The following RFFL variants were observed in gnomAD, a reference collection of about 807,000 sequenced individuals.
RFFL encodes ring finger and FYVE like domain containing E3 ubiquitin protein ligase, also known as E3 ubiquitin-protein ligase rififylin.
In RFFL, 16 loss-of-function variants were observed where a neutral mutation model predicts 40.4. The observed-to-expected ratio is 0.40, with a 90% confidence interval of 0.27 to 0.60. RFFL has a LOEUF of 0.60. Among genes scored for constraint, RFFL ranks in the 20% least tolerant of loss-of-function variants. The pLI is 0.47. For synonymous variants in RFFL, 154 were observed against 167.9 expected (o/e 0.92, Z 0.64); for missense variants, 367 against 451.7 (o/e 0.81, Z 1.70).
chr17:35,017,410 G>A (rs767067165), intron 4 of RFFL, 113 bp downstream of exon 4: 32 of 711,120 alleles, frequency 4.5e-5, no homozygotes, highest in African/African-American at 7.1e-5. Flanking sequence ...ATATAATTTC[G>A]GAAGCACTAT....
At chr17:35,038,286 C>CAA (rs33952696) in intron 1 of RFFL, among the ~76,000 whole-genome samples, 3 of 99,310 alleles carry the variant, frequency 3.0e-5, no homozygotes, top group African/African-American at 7.5e-5. Context: ...AAAACTGTCT[C>CAA]AAAAAAAAAA....
At chr17:35,017,352 C>T (rs1325203713) in intron 4 of RFFL, among the ~76,000 whole-genome samples, 171 bp downstream of exon 4, 4 of 152,124 alleles carry the variant, frequency 2.6e-5, no homozygotes, top group Non-Finnish European at 5.9e-5. Flanking sequence ...ATACACTGAC[C>T]GCTTCACTAG....
At chr17:35,085,425 G>A (rs1041589862) in intron 1 of RFFL, among the ~76,000 whole-genome samples, 2 of 152,134 alleles carry the variant, frequency 1.3e-5, no homozygotes, top group Non-Finnish European at 1.5e-5. Context: ...CAGAGGAAAT[G>A]CAGTTTTTTG....
At chr17:35,050,063 C>T (rs1224469900) in intron 1 of RFFL, among the ~76,000 whole-genome samples, 1 of 143,932 alleles carries the variant, frequency 6.9e-6, no homozygotes, top group Non-Finnish European at 1.5e-5. Context: ...GCCTAGGTGA[C>T]AGAGTAAGAC....
chr17:35,011,901 G>A lies in RFFL; in HGVS notation c.*67C>T. On this transcript the variant is annotated 3_prime_UTR_variant, in exon 7 of 7. Coordinates refer to ENST00000394597, the MANE Select transcript of RFFL (RefSeq NM_001017368.2). The stretch of plus-strand genomic sequence containing the variant: ...TACTAGCTTGCTCCTCTGCAAGCTG[G>A]CCAACCCTGAGCCCAGACACCCCAG... 6.6e-7 allele frequency: 1 copy of A among 1,520,870 alleles called. No homozygotes were observed. Among genetic ancestry groups the A allele is most frequent in the South Asian group, 1.2e-5 (1 of 83,260 alleles). The allele number at this position is 1,520,870 out of a possible 1,614,324, so 94.2% of individuals were successfully genotyped here. A position where few individuals can be genotyped will look rare whatever the true frequency, so the allele number is the denominator to read the frequency against.
chr17:35,026,330 C>T (rs1376056155), intron 2 of RFFL, 44 bp downstream of exon 2: 1 of 1,600,082 alleles, frequency 6.2e-7, no homozygotes, highest in Non-Finnish European at 8.5e-7. Flanking sequence ...TGCCCATGGT[C>T]CATAGGCTGC....
chr17:35,056,657 G>T (rs868110003), intron 1 of RFFL, among the ~76,000 whole-genome samples: 1 of 152,006 alleles, frequency 6.6e-6, no homozygotes, highest in Non-Finnish European at 1.5e-5. Context: ...GATTACAGGC[G>T]TGAGCCACCA....
At chr17:35,062,130 C>T (rs898007206) in intron 1 of RFFL, among the ~76,000 whole-genome samples, 11 of 152,018 alleles carry the variant, frequency 7.2e-5, no homozygotes, top group African/African-American at 2.2e-4. Context: ...CAAGGCCGGG[C>T]GCGGTGGCTC....
At chr17:35,078,119 CTT>C (rs1308912208) in intron 1 of RFFL, among the ~76,000 whole-genome samples, 2 of 152,138 alleles carry the variant, frequency 1.3e-5, no homozygotes, top group Non-Finnish European at 2.9e-5. Flanking sequence ...ATCCCAAACA[CTT>C]TGATTCTGTA....
rs2090926532 is a variant in RFFL, at chr17:35,010,070, T to A, written c.*1898A>T. 3 of 152,084 alleles carry A rather than the reference T, an allele frequency of 2.0e-5. No individual in the cohort carries two copies. In the South Asian group the frequency reaches 6.2e-4, roughly 32 times the overall value. 9.4% of individuals were successfully genotyped at this position (152,084 alleles called of 1,614,324 possible). On this transcript the variant is annotated 3_prime_UTR_variant, in exon 7 of 7. Transcript: ENST00000394597. ...TAACATTGAGGTAAGTGGCCCAGTG[T>A]TCAGTTGACTAGTTTATGCAGTTAT...
chr17:35,009,201 A>C lies in RFFL; in HGVS notation c.*2767T>G, dbSNP rs1471887969. On this transcript the variant is annotated 3_prime_UTR_variant, in exon 7 of 7. Transcript: ENST00000394597. ...TTTGGGTTTGCTTTAACCTCCAAGT[A>C]AGTCTGAGAAAATCTTAATAAAAGC... 12 of 152,646 alleles carry C rather than the reference A, an allele frequency of 7.9e-5. No individual in the cohort carries two copies. The highest frequency in any genetic ancestry group is 1.6e-4 in the Non-Finnish European group (11 of 68,036). The allele number at this position is 152,646 out of a possible 1,614,324, so 9.5% of individuals were successfully genotyped here. A position where few individuals can be genotyped will look rare whatever the true frequency, so the allele number is the denominator to read the frequency against.
rs1480724940 is a variant in RFFL, at chr17:35,010,024, C to G, written c.*1944G>C. 2 of 152,630 alleles carry G rather than the reference C, an allele frequency of 1.3e-5. No homozygotes were observed. Among genetic ancestry groups the G allele is most frequent in the East Asian group, 3.8e-4 (2 of 5,198 alleles). The allele number at this position is 152,630 out of a possible 1,614,324, so 9.5% of individuals were successfully genotyped here. Reference sequence around the variant, plus strand: ...TCCTGCAAAGGCTGTGGTTCAGAATCAAATCATCCAGGACTTTGTATAACA... The same window carrying G: ...TCCTGCAAAGGCTGTGGTTCAGAATGAAATCATCCAGGACTTTGTATAACA... On this transcript the variant is annotated 3_prime_UTR_variant, in exon 7 of 7. Transcript: ENST00000394597.
intron 1 of RFFL, among the ~76,000 whole-genome samples, chr17:35,029,340 GTTT>G (rs751041700): frequency 6.3e-5 from 8 of 127,986 alleles, no homozygotes; most frequent in Admixed American, 7.9e-5. Context: ...ATATTTTGTA[GTTT>G]TTTTTTTTTT....
intron 1 of RFFL, among the ~76,000 whole-genome samples, chr17:35,036,172 T>C (rs763608743): frequency 3.9e-5 from 6 of 152,196 alleles, no homozygotes; most frequent in Admixed American, 3.3e-4. Context: ...TAAGCTAAAA[T>C]ACTTTTCTCT....
intron 1 of RFFL, among the ~76,000 whole-genome samples, chr17:35,039,683 CT>C (rs905514540): frequency 1.6e-4 from 23 of 147,192 alleles, no homozygotes; most frequent in Admixed American, 1.4e-4. Flanking sequence ...TTTGACTCCA[CT>C]TTTTTTTTTT....
At chr17:35,031,143 G>A (rs1261035024) in intron 1 of RFFL, among the ~76,000 whole-genome samples, 2 of 151,952 alleles carry the variant, frequency 1.3e-5, no homozygotes, top group African/African-American at 4.8e-5. Flanking sequence ...GTCTCCTTCT[G>A]TCGCCCAGGC....
Position 35,009,818 on chromosome 17 carries a change from TGC to T in RFFL, c.*2148_*2149del, listed in dbSNP as rs2090924575. ...AGGTTGTAAGTAGAGAGCCAGCTTC[TGC>T]CCTTAAGTTACTGCTAGATCTTAGC... On this transcript the variant is annotated 3_prime_UTR_variant, in exon 7 of 7. Coordinates refer to ENST00000394597, the MANE Select transcript of RFFL (RefSeq NM_001017368.2). 6.5e-6 allele frequency: 1 copy of T among 152,816 alleles called. No homozygotes were observed. The highest frequency in any genetic ancestry group is 2.4e-5 in the African/African-American group (1 of 41,592). The allele number at this position is 152,816 out of a possible 1,614,324, so 9.5% of individuals were successfully genotyped here.
Position 35,060,211 on chromosome 17 carries a change from G to A in RFFL, c.-9+3365C>T, listed in dbSNP as rs1429800128. 3.9e-5 allele frequency among the ~76,000 whole-genome samples: 6 copies of A among 152,188 alleles called. No homozygotes were observed. The South Asian group carries it at 1.2e-3, about 32-fold the overall frequency. ...TAAAAGAAAAACCTGAGAGGTTGGAGTACGCACACCATTAATTTCAATCAA... is the reference window on the plus strand; with the variant it reads ...TAAAAGAAAAACCTGAGAGGTTGGAATACGCACACCATTAATTTCAATCAA... On this transcript the variant is annotated intron_variant, in intron 1 of 6. Transcript: ENST00000394597.
At chr17:35,046,687 A>G (rs1202438153) in intron 1 of RFFL, among the ~76,000 whole-genome samples, 1 of 152,238 alleles carries the variant, frequency 6.6e-6, no homozygotes, top group Non-Finnish European at 1.5e-5. Flanking sequence ...ATGTTCTCAG[A>G]AACTCCCTGG....
Sources: gnomAD v4.1 joint callset for allele counts (sites outside exome capture counted in the v4.1 genomes callset) on GRCh38, gnomAD v4.1.1 for gene constraint, MANE v1.5 for transcripts, NCBI Gene and HGNC (gene_info 2026-07-23, HGNC 2026-07-21) for gene names.